GSE1: variants seen among roughly 807,000 people sequenced by gnomAD.
The protein encoded by GSE1 is genetic suppressor element 1.
In GSE1, 32 loss-of-function variants were observed where a neutral mutation model predicts 112.6. The observed-to-expected ratio is 0.28, with a 90% confidence interval of 0.21 to 0.38. The LOEUF is 0.38. GSE1 is among the 10% of genes least tolerant of loss of function. The probability of loss-of-function intolerance (pLI) is 1.00; values close to 1 mark genes in which losing one functional copy is unlikely to be tolerated. For synonymous variants in GSE1, 1,115 were observed against 735.6 expected, an observed-to-expected ratio of 1.52 and a Z score of -8.35; for missense variants, 2,348 against 1,699.2, an observed-to-expected ratio of 1.38 and a Z score of -6.71.
At chr16:85,608,737 A>G (rs2047826352), upstream of GSE1, among the ~76,000 whole-genome samples, 1 of 152,246 alleles carries the variant, frequency 6.6e-6, no homozygotes. Flanking sequence ...GAGGGCTTCC[A>G]GTGACATGCG....
At chr16:85,415,287 C>T (rs1484911184) in intron 2 of GSE1, among the ~76,000 whole-genome samples, 3 of 152,210 alleles carry the variant, frequency 2.0e-5, no homozygotes, top group South Asian at 2.1e-4. Context: ...TCTTTTGGGT[C>T]CCCCTGGGGA....
chr16:85,621,073 G>A (rs1235082653), intron 1 of GSE1, among the ~76,000 whole-genome samples: 1 of 151,934 alleles, frequency 6.6e-6, no homozygotes, highest in African/African-American at 2.4e-5. Context: ...GATGGTTTCA[G>A]CCCTGGATCT....
At chr16:85,668,044 T>C (rs2053021299) in intron 13 of GSE1, 96 bp from the exon 14 acceptor site, 1 of 935,060 alleles carries the variant, frequency 1.1e-6, no homozygotes, top group Admixed American at 2.4e-5. Flanking sequence ...GCAGTCATGT[T>C]GACTCTGCAC....
chr16:85,637,686 A>G (rs968036354), intron 2 of GSE1, among the ~76,000 whole-genome samples: 1 of 151,692 alleles, frequency 6.6e-6, no homozygotes, highest in African/African-American at 2.4e-5. Flanking sequence ...GGGAATTCCA[A>G]TCCCCAGCTT....
chr16:85,588,960 C>CACGT (rs2046838407), intron 1 of GSE1, among the ~76,000 whole-genome samples: 3 of 152,190 alleles, frequency 2.0e-5, no homozygotes, highest in Admixed American at 6.5e-5. Context: ...TATTCACACA[C>CACGT]ACGTTCACAC....
intron 1 of GSE1, among the ~76,000 whole-genome samples, chr16:85,619,558 T>C (rs1351343152): frequency 6.6e-6 from 1 of 152,172 alleles, no homozygotes; most frequent in African/African-American, 2.4e-5. Flanking sequence ...CGGCAGGCGC[T>C]CTTACGTGGT....
intron 1 of GSE1, among the ~76,000 whole-genome samples, chr16:85,614,090 C>G (rs1372468061): frequency 2.6e-5 from 4 of 150,946 alleles, no homozygotes; most frequent in African/African-American, 9.7e-5. Context: ...TGCCCCTCCC[C>G]TCCCCCCCGC....
At chr16:85,445,518 T>A (rs1391468843) in intron 2 of GSE1, among the ~76,000 whole-genome samples, 3 of 152,232 alleles carry the variant, frequency 2.0e-5, no homozygotes, top group Non-Finnish European at 4.4e-5. Flanking sequence ...GGCGGGCGGC[T>A]GGCAGCGATC....
In GSE1 at chr16:85,341,550, C is replaced by T. The variant is rs192021626; in HGVS notation, c.2284-15913C>T. ...GCAGGCACCTGTAATCCCAGCTACA[C>T]GGGAGGCTGAGGCAGGAGAATCGCT... On this transcript the variant is annotated intron_variant, in intron 1 of 2. Transcript: ENST00000637419. Among the ~76,000 whole-genome samples, 7 of 152,162 alleles carry T rather than the reference C, an allele frequency of 4.6e-5. No individual in the cohort carries two copies. The East Asian group carries it at 9.7e-4, about 21-fold the overall frequency.
chr16:85,655,868 T>C lies in GSE1; in HGVS notation c.940T>C (p.Ser314Pro). ...CTACCCTCCCGAGCTCTCCCACTCATCCCTGGCAGCGCTGCACTCGGAGCG... is the reference window on the plus strand; with the variant it reads ...CTACCCTCCCGAGCTCTCCCACTCACCCCTGGCAGCGCTGCACTCGGAGCG... Reference protein sequence around the residue: ...VRYPPELSHSSLAALHSERMS... With the variant: ...VRYPPELSHSPLAALHSERMS... The change falls in exon 6 of 16, where the codon TCC becomes CCC. Residue 314 changes from serine (S) to proline (P), a missense_variant. Transcript: ENST00000253458. 9 of 1,608,360 alleles carry C rather than the reference T, an allele frequency of 5.6e-6. No individual in the cohort carries two copies. Among genetic ancestry groups the C allele is most frequent in the Non-Finnish European group, 6.8e-6 (8 of 1,179,802 alleles).
intron 1 of GSE1, among the ~76,000 whole-genome samples, chr16:85,290,353 A>T (rs1347642299): frequency 6.6e-6 from 1 of 152,206 alleles, no homozygotes; most frequent in Non-Finnish European, 1.5e-5. Flanking sequence ...GCCTTCAAGG[A>T]TCCCTCCCCA....
chr16:85,325,257 C>T (rs2046202022), intron 1 of GSE1, among the ~76,000 whole-genome samples: 1 of 152,096 alleles, frequency 6.6e-6, no homozygotes, highest in African/African-American at 2.4e-5. Flanking sequence ...GCATGAACCG[C>T]CGTATCCAGT....
At chr16:85,226,150 T>G (rs1274001117) in intron 1 of GSE1, among the ~76,000 whole-genome samples, 1 of 152,152 alleles carries the variant, frequency 6.6e-6, no homozygotes, top group Non-Finnish European at 1.5e-5. Flanking sequence ...CACGTGTCAC[T>G]GAGAAGGTAG....
chr16:85,477,122 T>C (rs12920091), intron 2 of GSE1, among the ~76,000 whole-genome samples: 22 of 152,220 alleles, frequency 1.4e-4, no homozygotes, highest in Non-Finnish European at 1.5e-5. Flanking sequence ...GAAACGGGGT[T>C]TCGCCATGTT....
chr16:85,641,764 A>G (rs984538048), intron 2 of GSE1, among the ~76,000 whole-genome samples: 1 of 152,172 alleles, frequency 6.6e-6, no homozygotes, highest in Non-Finnish European at 1.5e-5. Context: ...CACTGGGCAG[A>G]TTTCAAGGAA....
intron 1 of GSE1, among the ~76,000 whole-genome samples, chr16:85,287,653 G>A (rs1346495304): frequency 6.6e-6 from 1 of 151,850 alleles, no homozygotes; most frequent in East Asian, 1.9e-4. Context: ...TTCTCTGTGG[G>A]GTCTTTCCTG....
chr16:85,186,304 T>C (rs2074700075), intron 1 of GSE1, among the ~76,000 whole-genome samples: 1 of 152,006 alleles, frequency 6.6e-6, no homozygotes, highest in South Asian at 2.1e-4. Context: ...ACCCCATATG[T>C]ACAAATAATT....
At chr16:85,424,745 G>T (rs1597715696) in intron 2 of GSE1, among the ~76,000 whole-genome samples, 1 of 152,342 alleles carries the variant, frequency 6.6e-6, no homozygotes, top group South Asian at 2.1e-4. Context: ...CACGCCCCGA[G>T]TCGCCAGATG....
At chr16:85,549,990 A>T (rs549584573) in intron 2 of GSE1, among the ~76,000 whole-genome samples, 1 of 152,310 alleles carries the variant, frequency 6.6e-6, no homozygotes, top group South Asian at 2.1e-4. Flanking sequence ...GGGAGCTGCT[A>T]TTAGCATTAT....
Sources: gnomAD v4.1 joint callset for allele counts (sites outside exome capture counted in the v4.1 genomes callset) on GRCh38, gnomAD v4.1.1 for gene constraint, MANE v1.5 for transcripts, NCBI Gene and HGNC (gene_info 2026-07-23, HGNC 2026-07-21) for gene names.